The following TMPRSS12 variants were observed in gnomAD, a reference collection of about 807,000 sequenced individuals.
The protein encoded by TMPRSS12 is transmembrane serine protease 12, also known as transmembrane protease serine 12.
TMPRSS12 carries 25 observed loss-of-function variants against 26.0 expected under a neutral mutation model. That is an observed-to-expected ratio of 0.96 (90% CI 0.70 to 1.34). The LOEUF (loss-of-function observed/expected upper bound fraction) is 1.34. Among genes scored for constraint, TMPRSS12 ranks in the 40% most tolerant of loss-of-function variants. The probability of loss-of-function intolerance (pLI) is 0.00; values close to 1 mark genes in which losing one functional copy is unlikely to be tolerated. For synonymous variants in TMPRSS12, 150 were observed against 161.7 expected, an observed-to-expected ratio of 0.93 and a Z score of 0.55; for missense variants, 441 against 440.1, an observed-to-expected ratio of 1.00 and a Z score of -0.02.
chr12:50,868,087 T>C (rs1195445380), intron 3 of TMPRSS12, among the ~76,000 whole-genome samples: 1 of 151,832 alleles, frequency 6.6e-6, no homozygotes, highest in Non-Finnish European at 1.5e-5. Context: ...AAACAAAAAA[T>C]CGAAAACCAA....
chr12:50,861,590 T>G (rs1485847527), intron 3 of TMPRSS12, among the ~76,000 whole-genome samples: 1 of 152,152 alleles, frequency 6.6e-6, no homozygotes, highest in Admixed American at 6.5e-5. Context: ...ACCGTTTGTT[T>G]AGGGCCCAGT....
chr12:50,869,052 GAC>G (rs2139730077), intron 3 of TMPRSS12, among the ~76,000 whole-genome samples: 1 of 151,106 alleles, frequency 6.6e-6, no homozygotes, highest in East Asian at 1.9e-4. Flanking sequence ...AGATTGAAAG[GAC>G]ACAAACTGAC....
chr12:50,872,767 T>C lies in TMPRSS12; in HGVS notation c.653-12479T>C, dbSNP rs574073022. Among the ~76,000 whole-genome samples, 23 of 69,546 alleles carry C rather than the reference T, an allele frequency of 3.3e-4. 2 individuals carry two copies. Among genetic ancestry groups the C allele is most frequent in the African/African-American group, 7.8e-4 (17 of 21,658 alleles). The allele number at this position is 69,546 out of a possible 152,430, so 45.6% of individuals were successfully genotyped here. On this transcript the variant is annotated intron_variant, in intron 3 of 4. Transcript: ENST00000398458. ...ATACGTCTATATATGTACATATATA[T>C]GACGTATATATGTACATATATATGA... is the stretch of plus-strand genomic sequence containing the variant.
intron 3 of TMPRSS12, among the ~76,000 whole-genome samples, chr12:50,861,243 C>A (rs1356053352): frequency 6.6e-6 from 1 of 152,216 alleles, no homozygotes; most frequent in East Asian, 1.9e-4. Flanking sequence ...TTGAGGGAAT[C>A]ATTGTCCTGT....
intron 2 of TMPRSS12, among the ~76,000 whole-genome samples, chr12:50,847,456 C>A (rs1937781473): frequency 6.6e-6 from 1 of 151,676 alleles, no homozygotes; most frequent in Admixed American, 6.6e-5. Context: ...GTTCTGTCAT[C>A]CTTTTGTTTT....
At chr12:50,867,649 GATC>G (rs1296050299) in intron 3 of TMPRSS12, among the ~76,000 whole-genome samples, 1 of 152,136 alleles carries the variant, frequency 6.6e-6, no homozygotes. Flanking sequence ...TTTGCAAAAA[GATC>G]ATCATCTAGG....
intron 3 of TMPRSS12, among the ~76,000 whole-genome samples, chr12:50,882,476 C>G (rs1468913144): frequency 6.6e-6 from 1 of 151,700 alleles, no homozygotes. Flanking sequence ...AAAGAGAAAA[C>G]CAACAAGCCA....
chr12:50,884,199 G>A (rs566493832), intron 3 of TMPRSS12, among the ~76,000 whole-genome samples: 1 of 152,236 alleles, frequency 6.6e-6, no homozygotes, highest in African/African-American at 2.4e-5. Flanking sequence ...CATCATTACA[G>A]TAAAACATTC....
At chr12:50,850,149 G>T (rs1937811912) in intron 2 of TMPRSS12, among the ~76,000 whole-genome samples, 1 of 152,188 alleles carries the variant, frequency 6.6e-6, no homozygotes, top group South Asian at 2.1e-4. Flanking sequence ...CAAATCTCAT[G>T]TTGGAATGTA....
intron 3 of TMPRSS12, among the ~76,000 whole-genome samples, chr12:50,869,973 C>T (rs995836504): frequency 1.3e-5 from 2 of 152,112 alleles, no homozygotes; most frequent in Admixed American, 6.5e-5. Flanking sequence ...ATCCCAGCTG[C>T]TTAGGAGGCT....
intron 4 of TMPRSS12, chr12:50,886,896 G>A (rs956702734): frequency 1.1e-5 from 2 of 185,598 alleles, no homozygotes; most frequent in Non-Finnish European, 2.2e-5. Flanking sequence ...GCAGTATTCA[G>A]CAAGAGAATA....
chr12:50,843,019 T>C lies in TMPRSS12; in HGVS notation c.55T>C (p.Tyr19His), dbSNP rs10876100. 0.24 allele frequency: 386,941 copies of C among 1,605,288 alleles called. 48,401 individuals are homozygous for C. The highest frequency in any genetic ancestry group is 0.4 in the East Asian group (17,817 of 44,516). The change falls in exon 1 of 5, where the codon TAC becomes CAC. Residue 19 changes from tyrosine to histidine, a missense_variant. Physicochemically the swap from Tyr to His is moderately conservative, Grantham distance 83. Transcript: ENST00000398458. ...GTTGTTTGTGGGGAGCTCTCACTTATACTCAGACCACTACTCGCCCTCTGG... is the reference window on the plus strand; with the variant it reads ...GTTGTTTGTGGGGAGCTCTCACTTACACTCAGACCACTACTCGCCCTCTGG... The part of the protein sequence containing the change: ...ALLFVGSSHL[Y>H]SDHYSPSGRH...
Position 50,858,995 on chromosome 12 carries a change from A to G in TMPRSS12, c.594A>G (p.Gln198=), listed in dbSNP as rs768265556. 2 of 1,603,208 alleles carry G rather than the reference A, an allele frequency of 1.2e-6. No individual in the cohort carries two copies. The highest frequency in any genetic ancestry group is 1.7e-6 in the Non-Finnish European group (2 of 1,175,160). ...TTTGCCTACCTTTTGATGTTTTCCAAATCCTGGACGGAAACACAAAGTGTT... is the reference window on the plus strand; with the variant it reads ...TTTGCCTACCTTTTGATGTTTTCCAGATCCTGGACGGAAACACAAAGTGTT... ...QPICLPFDVF[Q]ILDGNTKCFI... is the part of the protein sequence containing the mutation. Residue 198 remains glutamine, a synonymous_variant, in exon 3 of 5, where the codon CAA becomes CAG. Transcript: ENST00000398458.
At chr12:50,874,309 A>G (rs1407334954) in intron 3 of TMPRSS12, among the ~76,000 whole-genome samples, 1 of 152,168 alleles carries the variant, frequency 6.6e-6, no homozygotes, top group Admixed American at 6.5e-5. Flanking sequence ...AGACTCAAAA[A>G]TCATCAACAA....
intron 4 of TMPRSS12, chr12:50,886,212 T>C (rs1052994441): frequency 6.6e-6 from 1 of 152,234 alleles, no homozygotes; most frequent in African/African-American, 2.4e-5. Context: ...CCTTACCAGA[T>C]ACATAATGTA....
At chr12:50,868,323 A>G (rs970512985) in intron 3 of TMPRSS12, among the ~76,000 whole-genome samples, 1 of 152,232 alleles carries the variant, frequency 6.6e-6, no homozygotes, top group Non-Finnish European at 1.5e-5. Context: ...GCAAATGGAC[A>G]CCAAAAGAGA....
At chr12:50,871,125 G>A (rs1938038462) in intron 3 of TMPRSS12, among the ~76,000 whole-genome samples, 2 of 151,924 alleles carry the variant, frequency 1.3e-5, no homozygotes, top group South Asian at 4.2e-4. Flanking sequence ...CCAAAAAAGA[G>A]CCCACAAAGC....
intron 2 of TMPRSS12, among the ~76,000 whole-genome samples, chr12:50,856,795 C>T (rs11169594): frequency 0.035 from 5,306 of 152,236 alleles, 146 homozygotes; most frequent in Non-Finnish European, 0.059. Flanking sequence ...AAGCAATCCT[C>T]CCACCTTAGC....
chr12:50,879,043 C>T (rs1938140280), intron 3 of TMPRSS12, among the ~76,000 whole-genome samples: 1 of 152,212 alleles, frequency 6.6e-6, no homozygotes, highest in South Asian at 2.1e-4. Context: ...GTGCCTTGAT[C>T]TTCAATTTCA....
Sources: gnomAD v4.1 joint callset for allele counts (sites outside exome capture counted in the v4.1 genomes callset) on GRCh38, gnomAD v4.1.1 for gene constraint, MANE v1.5 for transcripts, NCBI Gene and HGNC (gene_info 2026-07-23, HGNC 2026-07-21) for gene names.